TFCP2L1: variants seen among roughly 807,000 people sequenced by gnomAD.
TFCP2L1 encodes the protein transcription factor CP2 like 1.
TFCP2L1 carries 12 observed loss-of-function variants against 72.2 expected under a neutral mutation model. That is an observed-to-expected ratio of 0.17 (90% CI 0.11 to 0.27). TFCP2L1 has a LOEUF of 0.27. Among genes scored for constraint, TFCP2L1 ranks in the 10% least tolerant of loss-of-function variants. The pLI is 1.00. For missense variants in TFCP2L1, 488 were observed against 624.6 expected (o/e 0.78, Z 2.33); for synonymous variants, 260 against 251.0 (o/e 1.04, Z -0.34).
chr2:121,233,129 G>T (rs2104670070), intron 12 of TFCP2L1, among the ~76,000 whole-genome samples: 1 of 152,238 alleles, frequency 6.6e-6, no homozygotes, highest in Non-Finnish European at 1.5e-5. Flanking sequence ...ACCAGCCTGG[G>T]CAACAGAATG....
In TFCP2L1 at chr2:121,269,918, A is replaced by AAAAAAAAAAAAAATAT; in HGVS notation, c.214+11201_214+11202insATATTTTTTTTTTTTT. Among the ~76,000 whole-genome samples, 210 of 115,116 alleles carry AAAAAAAAAAAAAATAT rather than the reference A, an allele frequency of 1.8e-3. 3 individuals are homozygous for AAAAAAAAAAAAAATAT. The highest frequency in any genetic ancestry group is 0.018 in the East Asian group (47 of 2,626). 75.5% of individuals were successfully genotyped at this position (115,116 alleles called of 152,430 possible). A position where few individuals can be genotyped will look rare whatever the true frequency, so the allele number is the denominator to read the frequency against. On this transcript the variant is annotated intron_variant, in intron 2 of 14. Transcript: ENST00000263707. Reference sequence around the variant, plus strand: ...AGCAAGACTCCATCTAAAAAAAAAAAATATATATATATATATATGCAAAAG... The same window carrying AAAAAAAAAAAAAATAT: ...AGCAAGACTCCATCTAAAAAAAAAAAAAAAAAAAAAAAATATATATATATATATATATATGCAAAAG...
At chr2:121,258,238 T>C (rs1312917291) in intron 2 of TFCP2L1, among the ~76,000 whole-genome samples, 1 of 152,156 alleles carries the variant, frequency 6.6e-6, no homozygotes, top group East Asian at 1.9e-4. Flanking sequence ...GGCCCTCGCC[T>C]CACACATGCT....
intron 8 of TFCP2L1, among the ~76,000 whole-genome samples, chr2:121,238,812 C>A (rs2713203): frequency 0.73 from 110,211 of 151,834 alleles, 40,220 homozygotes; most frequent in East Asian, 0.9. Flanking sequence ...TCTGTGTCTA[C>A]CCCCGCTTCC....
chr2:121,220,853 A>G lies in TFCP2L1; in HGVS notation c.*3488T>C, dbSNP rs1361060563. The G allele has an allele frequency of 6.6e-6, 1 of 152,152 alleles. No individual in the cohort carries two copies. The highest frequency in any genetic ancestry group is 1.5e-5 in the Non-Finnish European group (1 of 68,004). The allele number at this position is 152,152 out of a possible 1,614,324, so 9.4% of individuals were successfully genotyped here. On this transcript the variant is annotated 3_prime_UTR_variant, in exon 15 of 15. Coordinates refer to ENST00000263707, the MANE Select transcript of TFCP2L1 (RefSeq NM_014553.3). Reference sequence around the variant, plus strand: ...TTTTTTTTGGTATTTATTATTTTCTATTCTTTCATAAGCTATAAGCTTTAA... The same window carrying G: ...TTTTTTTTGGTATTTATTATTTTCTGTTCTTTCATAAGCTATAAGCTTTAA...
chr2:121,259,953 G>T (rs1480346724), intron 2 of TFCP2L1, among the ~76,000 whole-genome samples: 1 of 152,200 alleles, frequency 6.6e-6, no homozygotes, highest in Non-Finnish European at 1.5e-5. Flanking sequence ...TCACAATACA[G>T]CGATTGGTAT....
chr2:121,220,355 C>T lies in TFCP2L1; in HGVS notation c.*3986G>A, dbSNP rs1685908008. On this transcript the variant is annotated 3_prime_UTR_variant, in exon 15 of 15. Transcript: ENST00000263707. ...CCATCCTGTCCTTTCCACAGGCATA[C>T]CATGCCCCTCCTCCAGCAAACCTAT... is the stretch of plus-strand genomic sequence containing the variant. The T allele has an allele frequency of 6.6e-6, 1 of 152,278 alleles. No individual in the cohort carries two copies. The allele number at this position is 152,278 out of a possible 1,614,324, so 9.4% of individuals were successfully genotyped here. A position where few individuals can be genotyped will look rare whatever the true frequency, so the allele number is the denominator to read the frequency against.
At chr2:121,281,098 G>T (rs1365334576) in intron 2 of TFCP2L1, 22 bp downstream of exon 2, 2 of 1,613,702 alleles carry the variant, frequency 1.2e-6, no homozygotes, top group Admixed American at 3.3e-5. Context: ...TTCCGCCCTG[G>T]CCCGGGGCCT....
rs1041148651 is a variant in TFCP2L1, at chr2:121,216,858, A to G, written c.*7483T>C. The G allele has an allele frequency of 6.6e-6, 1 of 152,242 alleles. No individual in the cohort carries two copies. The highest frequency in any genetic ancestry group is 1.5e-5 in the Non-Finnish European group (1 of 68,044). 9.4% of individuals were successfully genotyped at this position (152,242 alleles called of 1,614,324 possible). ...ATCTGGAGAAAGGTGTGGAGGTTAC[A>G]TCTTTAGAAAGAAATCATTTTAAAT... On this transcript the variant is annotated 3_prime_UTR_variant, in exon 15 of 15. Coordinates refer to ENST00000263707, the MANE Select transcript of TFCP2L1 (RefSeq NM_014553.3).
At chr2:121,274,828 G>C (rs1344993203) in intron 2 of TFCP2L1, among the ~76,000 whole-genome samples, 7 of 151,990 alleles carry the variant, frequency 4.6e-5, no homozygotes, top group Non-Finnish European at 1.0e-4. Flanking sequence ...GTTTATCCCA[G>C]CTACTTGAGA....
chr2:121,267,307 T>C (rs1345966026), intron 2 of TFCP2L1, among the ~76,000 whole-genome samples: 1 of 152,200 alleles, frequency 6.6e-6, no homozygotes, highest in African/African-American at 2.4e-5. Flanking sequence ...TATCTCAGCC[T>C]TCCAAGTAGC....
At chr2:121,236,898 G>T (rs1379118424) in intron 10 of TFCP2L1, among the ~76,000 whole-genome samples, 2 of 152,172 alleles carry the variant, frequency 1.3e-5, no homozygotes, top group Non-Finnish European at 2.9e-5. Flanking sequence ...CGAAATGAGT[G>T]GTTTATGCAT....
intron 2 of TFCP2L1, among the ~76,000 whole-genome samples, chr2:121,270,526 G>A (rs148163543): frequency 5.8e-4 from 89 of 152,202 alleles, no homozygotes; most frequent in Non-Finnish European, 1.2e-3. Context: ...AGATGTTCAC[G>A]GATTACTAGA....
At chr2:121,247,024 T>G in intron 5 of TFCP2L1, 54 bp from the exon 6 acceptor site, 1 of 1,604,350 alleles carries the variant, frequency 6.2e-7, no homozygotes, top group South Asian at 1.1e-5. Flanking sequence ...AGGGTGCCCC[T>G]GGATCCCCCA....
chr2:121,275,112 C>T (rs1051251859), intron 2 of TFCP2L1, among the ~76,000 whole-genome samples: 2 of 151,920 alleles, frequency 1.3e-5, no homozygotes, highest in Non-Finnish European at 2.9e-5. Flanking sequence ...AGGCTGGGCG[C>T]GGTGGCTCAC....
chr2:121,265,968 C>T (rs1485192042), intron 2 of TFCP2L1, among the ~76,000 whole-genome samples: 16 of 149,812 alleles, frequency 1.1e-4, no homozygotes, highest in East Asian at 9.9e-4. Context: ...GGGGTTGAAG[C>T]GATTTTCCCA....
rs557914984 is a variant in TFCP2L1, at chr2:121,260,688, G to A, written c.215-11041C>T. ...CCACTGTCTTCCAGGATCTGCTGCT[G>A]CAACCACAGCACTGCCCAGAGCAGG... On this transcript the variant is annotated intron_variant, in intron 2 of 14. Coordinates refer to ENST00000263707, the MANE Select transcript of TFCP2L1 (RefSeq NM_014553.3). 1.7e-3 allele frequency among the ~76,000 whole-genome samples: 253 copies of A among 152,332 alleles called. 1 individual carries two copies. Among genetic ancestry groups the A allele is most frequent in the South Asian group, 2.5e-3 (12 of 4,820 alleles).
rs779989444 is a variant in TFCP2L1, at chr2:121,249,018, G to A, written c.361C>T (p.Arg121Trp). Residue 121 changes from arginine to tryptophan, a missense_variant, in exon 4 of 15, where the codon CGG becomes TGG. This residue lies in a region of TFCP2L1 where 129 missense variants were observed against 236.0 expected (regional missense o/e 0.55). Coordinates refer to ENST00000263707, the MANE Select transcript of TFCP2L1 (RefSeq NM_014553.3). ...YTEHQQLEGW[R>W]WSRPGDRILD... ...ATCCGGTCCCCTGGCCGACTCCACC[G>A]CCAGCCCTCCAGCTGCTGGTGCTCC... 9 of 1,602,416 alleles carry A rather than the reference G, an allele frequency of 5.6e-6. No homozygotes were observed. The highest frequency in any genetic ancestry group is 7.7e-6 in the Non-Finnish European group (9 of 1,174,880).
chr2:121,243,423 C>T (rs1033629483), intron 6 of TFCP2L1, among the ~76,000 whole-genome samples: 1 of 152,224 alleles, frequency 6.6e-6, no homozygotes, highest in Non-Finnish European at 1.5e-5. Flanking sequence ...GGTCCTCAAC[C>T]TCTGGGCCAC....
intron 13 of TFCP2L1, among the ~76,000 whole-genome samples, 153 bp downstream of exon 13, chr2:121,231,673 C>G (rs1686145951): frequency 6.6e-6 from 1 of 152,266 alleles, no homozygotes; most frequent in African/African-American, 2.4e-5. Context: ...TCAGCACTCT[C>G]CATCGCAGCC....
Sources: allele counts gnomAD v4.1 joint callset (sites outside exome capture counted in the v4.1 genomes callset), GRCh38; gene constraint gnomAD v4.1.1; regional missense constraint gnomAD v4.1.1; transcripts MANE v1.5; gene names NCBI Gene and HGNC (gene_info 2026-07-23, HGNC 2026-07-21).